Variants in CNTNAP5 observed in about 807,000 individuals in gnomAD.
The protein encoded by CNTNAP5 is contactin associated protein family member 5.
Under a neutral mutation model 150.2 loss-of-function variants are expected in CNTNAP5, and 72 were observed. The observed-to-expected ratio is 0.48, with a 90% CI of 0.40 to 0.58. The LOEUF (loss-of-function observed/expected upper bound fraction) is 0.58. Among genes scored for constraint, CNTNAP5 ranks in the 20% least tolerant of loss-of-function variants. The probability of loss-of-function intolerance (pLI) is 0.00; values close to 1 mark genes in which losing one functional copy is unlikely to be tolerated. For synonymous variants in CNTNAP5, 672 were observed against 619.8 expected, an observed-to-expected ratio of 1.08 and a Z score of -1.25; for missense variants, 1,636 against 1,626.2, an observed-to-expected ratio of 1.01 and a Z score of -0.10.
chr2:124,315,733 G>A (rs946215666), intron 3 of CNTNAP5, among the ~76,000 whole-genome samples: 1 of 152,066 alleles, frequency 6.6e-6, no homozygotes, highest in South Asian at 2.1e-4. Flanking sequence ...GGCTCCGCAT[G>A]AAAGTACAAA....
intron 3 of CNTNAP5, among the ~76,000 whole-genome samples, chr2:124,278,056 C>T (rs1340972420): frequency 6.6e-6 from 1 of 152,094 alleles, no homozygotes; most frequent in African/African-American, 2.4e-5. Flanking sequence ...GGGGAGATTA[C>T]TGTTAAAAAC....
chr2:124,885,549 TCACACACA>T (rs3980831), intron 21 of CNTNAP5, among the ~76,000 whole-genome samples: 48,534 of 145,192 alleles, frequency 0.33, 8,240 homozygotes, highest in Non-Finnish European at 0.35. Flanking sequence ...AACATTTTCA[TCACACACA>T]CACACACACA....
chr2:124,056,968 GTTGT>G (rs920427083), intron 1 of CNTNAP5, among the ~76,000 whole-genome samples: 11 of 152,184 alleles, frequency 7.2e-5, no homozygotes, highest in African/African-American at 1.4e-4. Flanking sequence ...AAATTCAGTT[GTTGT>G]TTGTTTCCTT....
At chr2:124,181,238 C>T (rs1156648549) in intron 1 of CNTNAP5, among the ~76,000 whole-genome samples, 4 of 151,834 alleles carry the variant, frequency 2.6e-5, no homozygotes, top group Non-Finnish European at 5.9e-5. Context: ...TAGTACTTTG[C>T]CTTGAAGACT....
At chr2:124,900,185 C>T (rs1173511047) in intron 21 of CNTNAP5, among the ~76,000 whole-genome samples, 9 of 151,344 alleles carry the variant, frequency 5.9e-5, no homozygotes, top group Admixed American at 3.3e-4. Context: ...AATAATTCTT[C>T]GACAACAATT....
intron 1 of CNTNAP5, among the ~76,000 whole-genome samples, chr2:124,048,978 C>A (rs1317438679): frequency 2.0e-5 from 3 of 152,164 alleles, no homozygotes; most frequent in African/African-American, 7.2e-5. Context: ...CAATTTTCTC[C>A]AATGCTTTTG....
chr2:124,656,757 A>AT (rs1241297135), intron 13 of CNTNAP5, among the ~76,000 whole-genome samples: 1 of 152,140 alleles, frequency 6.6e-6, no homozygotes, highest in African/African-American at 2.4e-5. Context: ...TAAAATATGC[A>AT]TTTTTCCCAT....
In CNTNAP5 at chr2:124,889,796, AT is replaced by A. The variant is rs542217259; in HGVS notation, c.3437-13077del. The stretch of plus-strand genomic sequence containing the variant: ...ATAAGGTTTGTCCTCTGGATCAGTG[AT>A]TTTTTTTTGTTTTTATTAAAGTATT... On this transcript the variant is annotated intron_variant, in intron 21 of 23. Coordinates refer to ENST00000682447, the MANE Select transcript of CNTNAP5 (RefSeq NM_001367498.1). Among the ~76,000 whole-genome samples the A allele has an allele frequency of 7.4e-4, 112 of 151,520 alleles. 1 individual carries two copies. Among genetic ancestry groups the A allele is most frequent in the African/African-American group, 2.5e-3 (102 of 41,334 alleles).
At chr2:124,251,398 G>A (rs1049367587) in intron 3 of CNTNAP5, among the ~76,000 whole-genome samples, 6 of 151,252 alleles carry the variant, frequency 4.0e-5, no homozygotes, top group African/African-American at 1.5e-4. Context: ...TAGGAAGGGA[G>A]TATTGGAAGT....
intron 1 of CNTNAP5, among the ~76,000 whole-genome samples, chr2:124,097,838 C>G (rs1288587030): frequency 6.6e-6 from 1 of 152,156 alleles, no homozygotes; most frequent in African/African-American, 2.4e-5. Flanking sequence ...ACCATCCTGG[C>G]TAACACGGTG....
chr2:124,738,738 AAAAG>A (rs1195247142), intron 13 of CNTNAP5, among the ~76,000 whole-genome samples: 23 of 151,866 alleles, frequency 1.5e-4, no homozygotes, highest in African/African-American at 3.6e-4. Context: ...CAAAAAAAAA[AAAAG>A]AAAGAAAGAA....
At chr2:124,510,518 T>TATATATATATACACAC (rs10641959) in intron 8 of CNTNAP5, among the ~76,000 whole-genome samples, 1 of 124,918 alleles carries the variant, frequency 8.0e-6, no homozygotes, top group African/African-American at 3.2e-5. Context: ...TATATATATA[T>TATATATATATACACAC]ACATATATCT....
chr2:124,908,059 T>C (rs905191849), intron 22 of CNTNAP5, among the ~76,000 whole-genome samples: 2 of 151,864 alleles, frequency 1.3e-5, no homozygotes, highest in South Asian at 2.1e-4. Flanking sequence ...GGAGAAACCA[T>C]TGTAAGTCGG....
chr2:124,768,267 ATGTATG>A (rs1402766190), intron 16 of CNTNAP5, among the ~76,000 whole-genome samples: 3 of 90,738 alleles, frequency 3.3e-5, no homozygotes, highest in Non-Finnish European at 4.7e-5. Flanking sequence ...TATATACTGT[ATGTATG>A]TGTGTGTGTG....
At chr2:124,860,476 C>CG (rs1677496596) in intron 19 of CNTNAP5, among the ~76,000 whole-genome samples, 1 of 91,114 alleles carries the variant, frequency 1.1e-5, no homozygotes, top group African/African-American at 6.0e-5. Flanking sequence ...TCCTTCCTTC[C>CG]TTCCTTCCTT....
rs566929164 is a variant in CNTNAP5, at chr2:124,607,158, T to G, written c.1757-2643T>G. Among the ~76,000 whole-genome samples, 241 of 152,284 alleles carry G rather than the reference T, an allele frequency of 1.6e-3. 1 individual carries two copies. Among genetic ancestry groups the G allele is most frequent in the African/African-American group, 5.6e-3 (231 of 41,576 alleles). On this transcript the variant is annotated intron_variant, in intron 11 of 23. Coordinates refer to ENST00000682447, the MANE Select transcript of CNTNAP5 (RefSeq NM_001367498.1). Reference sequence around the variant, plus strand: ...TAATGAAGGATTCTAAAACAACACCTGGAAACAACAGACATTATCATCTCA... The same window carrying G: ...TAATGAAGGATTCTAAAACAACACCGGGAAACAACAGACATTATCATCTCA...
At chr2:124,055,395 G>A (rs1423874733) in intron 1 of CNTNAP5, among the ~76,000 whole-genome samples, 1 of 152,096 alleles carries the variant, frequency 6.6e-6, no homozygotes, top group African/African-American at 2.4e-5. Context: ...TACAGCATGT[G>A]GGGAATGCTT....
chr2:124,620,688 T>A, intron 12 of CNTNAP5, among the ~76,000 whole-genome samples: 1 of 151,532 alleles, frequency 6.6e-6, no homozygotes, highest in Non-Finnish European at 1.5e-5. Context: ...AAAAAATTGG[T>A]GACATGTAAG....
intron 1 of CNTNAP5, among the ~76,000 whole-genome samples, chr2:124,062,449 G>A (rs575203064): frequency 6.6e-6 from 1 of 152,252 alleles, no homozygotes; most frequent in East Asian, 1.9e-4. Flanking sequence ...CCCAGCATGG[G>A]CTATACCACT....
Sources: gnomAD v4.1 joint callset for allele counts (sites outside exome capture counted in the v4.1 genomes callset) on GRCh38, gnomAD v4.1.1 for gene constraint, MANE v1.5 for transcripts, NCBI Gene and HGNC (gene_info 2026-07-23, HGNC 2026-07-21) for gene names.